Variants in FAM120B observed in about 807,000 individuals in gnomAD.
FAM120B encodes the protein constitutive coactivator of peroxisome proliferator-activated receptor gamma.
In FAM120B, 83 loss-of-function variants were observed where a neutral mutation model predicts 96.3. That is an observed-to-expected ratio of 0.86 (90% CI 0.72 to 1.03). The LOEUF (loss-of-function observed/expected upper bound fraction) is 1.03, where lower values mean the gene tolerates loss of function less well. Ranked by LOEUF, FAM120B falls within the 50% of genes least tolerant of loss-of-function variation. The probability of loss-of-function intolerance (pLI) is 0.00; values close to 1 mark genes in which losing one functional copy is unlikely to be tolerated. For missense variants in FAM120B, 1,027 were observed against 1,121.2 expected (o/e 0.92, Z 1.20); for synonymous variants, 407 against 402.7 (o/e 1.01, Z -0.13).
At chr6:170,402,749 A>G (rs1364862720) in intron 9 of FAM120B, among the ~76,000 whole-genome samples, 1 of 152,190 alleles carries the variant, frequency 6.6e-6, no homozygotes, top group African/African-American at 2.4e-5. Flanking sequence ...TTGGAACTCG[A>G]AGGAATGTTT....
intron 8 of FAM120B, among the ~76,000 whole-genome samples, chr6:170,393,802 G>A (rs1790592469): frequency 6.6e-6 from 1 of 152,196 alleles, no homozygotes; most frequent in African/African-American, 2.4e-5. Flanking sequence ...GTAATGCTGA[G>A]CTTGCACCTC....
upstream of FAM120B, chr6:170,290,945 T>C (rs1783852277): frequency 1.4e-6 from 1 of 699,404 alleles, no homozygotes; most frequent in African/African-American, 1.7e-5. The surrounding 1 kb of genome is among the most constrained non-coding windows in gnomAD (Gnocchi z 4.7). Context: ...CGCCGGCGCC[T>C]GCCGCCCTTA....
rs1167208471 is a variant in FAM120B, at chr6:170,391,038, A to T, written c.2516A>T (p.Asn839Ile). The T allele has an allele frequency of 6.2e-7, 1 of 1,614,062 alleles. No homozygotes were observed. Among genetic ancestry groups the T allele is most frequent in the East Asian group, 2.2e-5 (1 of 44,860 alleles). Reference sequence around the variant, plus strand: ...AGATCTCGGCTCACCAAATTCCACAACCTGAAGGCAGTCGTCTGCAAGGCC... The same window carrying T: ...AGATCTCGGCTCACCAAATTCCACATCCTGAAGGCAGTCGTCTGCAAGGCC... Reference protein sequence around the residue: ...QNRSRLTKFHNLKAVVCKACM... With the variant: ...QNRSRLTKFHILKAVVCKACM... The change falls in exon 8 of 11, where the codon AAC (asparagine) becomes ATC (isoleucine). Residue 839 changes from asparagine to isoleucine, a missense_variant. Physicochemically the swap from Asn to Ile is moderately radical, Grantham distance 149. This residue lies in a region of FAM120B where 142 missense variants were observed against 122.5 expected (regional missense o/e 1.16). Transcript: ENST00000476287.
intron 6 of FAM120B, among the ~76,000 whole-genome samples, chr6:170,380,108 AC>A (rs1422340807): frequency 6.6e-6 from 1 of 152,070 alleles, no homozygotes; most frequent in Non-Finnish European, 1.5e-5. Context: ...TATTTGTCTG[AC>A]TTTGCCTGAC....
At chr6:170,396,636 A>ATCCTTT (rs1778179641) in intron 9 of FAM120B, among the ~76,000 whole-genome samples, 2 of 152,150 alleles carry the variant, frequency 1.3e-5, no homozygotes, top group Non-Finnish European at 2.9e-5. Flanking sequence ...GCCCCACTGA[A>ATCCTTT]CACGTGCAGT....
chr6:170,355,004 T>C (rs974922436), intron 5 of FAM120B, among the ~76,000 whole-genome samples: 4 of 152,138 alleles, frequency 2.6e-5, no homozygotes, highest in African/African-American at 9.7e-5. Context: ...ACTAGAGAAA[T>C]GCAAATCAAA....
intron 8 of FAM120B, among the ~76,000 whole-genome samples, chr6:170,391,790 G>A (rs895637388): frequency 5.9e-5 from 9 of 152,172 alleles, no homozygotes; most frequent in Non-Finnish European, 1.3e-4. Flanking sequence ...TAATTAAAAA[G>A]GAAATATACA....
At chr6:170,384,613 G>A (rs1790090678) in intron 6 of FAM120B, among the ~76,000 whole-genome samples, 1 of 152,194 alleles carries the variant, frequency 6.6e-6, no homozygotes, top group Admixed American at 6.5e-5. Flanking sequence ...CTGTAAGTTA[G>A]TATGCACAGT....
In FAM120B at chr6:170,377,289, G is replaced by T. The variant is rs533628550; in HGVS notation, c.2284-10998G>T. On this transcript the variant is annotated intron_variant, in intron 6 of 10. Coordinates refer to ENST00000476287, the MANE Select transcript of FAM120B (RefSeq NM_032448.3). ...ACGCTGCTCGGTGCTGTGCACACGC[G>T]TCCCTAATCCCAGATGCCCGGGAGA... Among the ~76,000 whole-genome samples, 171 of 123,902 alleles carry T rather than the reference G, an allele frequency of 1.4e-3. 2 individuals are homozygous for T. Among genetic ancestry groups the T allele is most frequent in the African/African-American group, 5.3e-3 (154 of 29,258 alleles). 81.3% of individuals were successfully genotyped at this position (123,902 alleles called of 152,430 possible). A position where few individuals can be genotyped will look rare whatever the true frequency, so the allele number is the denominator to read the frequency against.
At chr6:170,305,180 G>T (rs939869889), upstream of FAM120B, among the ~76,000 whole-genome samples, 1 of 152,070 alleles carries the variant, frequency 6.6e-6, no homozygotes, top group Non-Finnish European at 1.5e-5. Context: ...GGGGGCGGGG[G>T]ACAGAAACAT....
chr6:170,375,842 G>T (rs1406527472), intron 6 of FAM120B, among the ~76,000 whole-genome samples: 2 of 152,210 alleles, frequency 1.3e-5, no homozygotes, highest in African/African-American at 4.8e-5. Context: ...CAAGGAGGAA[G>T]TGACTTCTGG....
At chr6:170,305,963 C>T (rs1234958388), upstream of FAM120B, among the ~76,000 whole-genome samples, 2 of 152,152 alleles carry the variant, frequency 1.3e-5, no homozygotes, top group African/African-American at 4.8e-5. Context: ...TCAGGTGGCA[C>T]CTGTTCCCCT....
intron 6 of FAM120B, among the ~76,000 whole-genome samples, chr6:170,384,786 T>C (rs1349042629): frequency 6.6e-6 from 1 of 152,188 alleles, no homozygotes; most frequent in Non-Finnish European, 1.5e-5. Flanking sequence ...AGAATGCTTT[T>C]TGGAGTTTTT....
chr6:170,339,525 A>G (rs1441120752), intron 4 of FAM120B, among the ~76,000 whole-genome samples: 1 of 152,072 alleles, frequency 6.6e-6, no homozygotes, highest in Non-Finnish European at 1.5e-5. Context: ...GGGGTGGCTC[A>G]TGCCTGTAAT....
intron 7 of FAM120B, among the ~76,000 whole-genome samples, chr6:170,390,574 GTTGTT>G (rs1222727537): frequency 6.6e-6 from 1 of 152,000 alleles, no homozygotes; most frequent in Non-Finnish European, 1.5e-5. Flanking sequence ...ATCTGCTGAT[GTTGTT>G]TTGTTTTTTG....
intron 3 of FAM120B, among the ~76,000 whole-genome samples, chr6:170,325,969 A>G (rs1785566729): frequency 6.6e-6 from 1 of 152,122 alleles, no homozygotes; most frequent in Non-Finnish European, 1.5e-5. Flanking sequence ...CAAATAATAT[A>G]CTATGTTACT....
intron 1 of FAM120B, among the ~76,000 whole-genome samples, chr6:170,315,252 A>G (rs1285596434): frequency 6.6e-6 from 1 of 152,228 alleles, no homozygotes; most frequent in African/African-American, 2.4e-5. Context: ...CAAACCATGC[A>G]AGGCCTGTTT....
chr6:170,366,271 G>A (rs1788789179), intron 6 of FAM120B, among the ~76,000 whole-genome samples: 1 of 152,226 alleles, frequency 6.6e-6, no homozygotes, highest in Admixed American at 6.5e-5. Context: ...AGAGCTTGGT[G>A]TGTGGGGAGC....
chr6:170,295,875 C>T lies in FAM120B; in HGVS notation c.48+422C>T, dbSNP rs1460509986. ...TGGAGCCCGGGGCCGAGGCCAGGCC[C>T]GCTGCGAGCAGCGGAGGCATGTGCT... On this transcript the variant is annotated intron_variant, in intron 1 of 10. Coordinates refer to the FAM120B transcript ENST00000537664. The surrounding 1 kb of genome is among the most constrained non-coding windows in gnomAD (Gnocchi z 7.8). 6.6e-6 allele frequency among the ~76,000 whole-genome samples: 1 copy of T among 152,052 alleles called. No homozygotes were observed. Among genetic ancestry groups the T allele is most frequent in the African/African-American group, 2.4e-5 (1 of 41,410 alleles).
Sources: allele counts gnomAD v4.1 joint callset (sites outside exome capture counted in the v4.1 genomes callset), GRCh38; gene constraint gnomAD v4.1.1; regional missense constraint gnomAD v4.1.1; non-coding constraint Gnocchi (gnomAD v3.1); transcripts MANE v1.5; gene names NCBI Gene and HGNC (gene_info 2026-07-23, HGNC 2026-07-21).